NRXN3: variants seen among roughly 807,000 people sequenced by gnomAD.
The protein encoded by NRXN3 is neurexin III.
NRXN3 carries 32 observed loss-of-function variants against 137.6 expected under a neutral mutation model. That is an observed-to-expected ratio of 0.23 (90% CI 0.18 to 0.31). The LOEUF (loss-of-function observed/expected upper bound fraction) is 0.31, where lower values mean the gene tolerates loss of function less well. Among genes scored for constraint, NRXN3 ranks in the 10% least tolerant of loss-of-function variants. The probability of loss-of-function intolerance (pLI) is 1.00; values close to 1 mark genes in which losing one functional copy is unlikely to be tolerated. For synonymous variants in NRXN3, 798 were observed against 784.5 expected (o/e 1.02, Z -0.29); for missense variants, 1,574 against 2,062.5 (o/e 0.76, Z 4.59).
At chr14:78,852,439 G>A (rs1011872834) in intron 10 of NRXN3, among the ~76,000 whole-genome samples, 1 of 152,132 alleles carries the variant, frequency 6.6e-6, no homozygotes, top group African/African-American at 2.4e-5. Flanking sequence ...ATTTTTGAGT[G>A]TAAAAATTCT....
intron 15 of NRXN3, among the ~76,000 whole-genome samples, chr14:79,007,091 C>G (rs779441672): frequency 1.3e-5 from 2 of 151,972 alleles, no homozygotes; most frequent in Non-Finnish European, 2.9e-5. Flanking sequence ...CCCCAACACA[C>G]TCACGTAACA....
intron 16 of NRXN3, among the ~76,000 whole-genome samples, chr14:79,639,022 T>C (rs1463378093): frequency 6.6e-6 from 1 of 152,124 alleles, no homozygotes; most frequent in South Asian, 2.1e-4. Context: ...CTCTCTGTAA[T>C]ACGGTTCTAT....
intron 4 of NRXN3, among the ~76,000 whole-genome samples, chr14:78,618,842 AAAG>A (rs1285872584): frequency 6.6e-6 from 1 of 152,224 alleles, no homozygotes; most frequent in East Asian, 1.9e-4. Flanking sequence ...AAAAAGAAAA[AAAG>A]AAATTTTTGT....
At chr14:79,048,190 T>G (rs2099635897) in intron 15 of NRXN3, among the ~76,000 whole-genome samples, 1 of 152,180 alleles carries the variant, frequency 6.6e-6, no homozygotes, top group African/African-American at 2.4e-5. Context: ...ATAATTTCAT[T>G]TATATGAAGT....
At position 78,903,147 on chromosome 14, in the gene NRXN3, C is replaced by CT. The variant is rs965920523; in HGVS notation, c.2276-54078dup. Among the ~76,000 whole-genome samples the CT allele has an allele frequency of 1.9e-3, 227 of 121,472 alleles. 2 individuals are homozygous for CT. The highest frequency in any genetic ancestry group is 0.012 in the East Asian group (45 of 3,898). 79.7% of individuals were successfully genotyped at this position (121,472 alleles called of 152,430 possible). A position where few individuals can be genotyped will look rare whatever the true frequency, so the allele number is the denominator to read the frequency against. On this transcript the variant is annotated intron_variant, in intron 10 of 20. Coordinates refer to ENST00000335750, the MANE Select transcript of NRXN3 (RefSeq NM_001330195.2). ...GAAATAAACAATGAAGTTTCATCTTCTTTTTTTTTTTTTTTTTCTGAGACA... is the reference window on the plus strand; with the variant it reads ...GAAATAAACAATGAAGTTTCATCTTCTTTTTTTTTTTTTTTTTTCTGAGACA...
chr14:79,436,622 A>G (rs1211456396), intron 15 of NRXN3, among the ~76,000 whole-genome samples: 1 of 152,148 alleles, frequency 6.6e-6, no homozygotes, highest in Non-Finnish European at 1.5e-5. Flanking sequence ...TACAGTGTAT[A>G]TGTAAGTGAT....
chr14:79,428,476 G>A (rs1275912462), intron 15 of NRXN3, among the ~76,000 whole-genome samples: 7 of 151,892 alleles, frequency 4.6e-5, no homozygotes, highest in Non-Finnish European at 8.8e-5. Flanking sequence ...GGATGAACTC[G>A]GTTTAAAGAT....
At chr14:78,532,648 A>G (rs927624826) in intron 4 of NRXN3, among the ~76,000 whole-genome samples, 4 of 151,846 alleles carry the variant, frequency 2.6e-5, no homozygotes, top group Non-Finnish European at 5.9e-5. Context: ...TCAGCTTAGA[A>G]TCATCTTTCC....
intron 15 of NRXN3, among the ~76,000 whole-genome samples, chr14:79,113,516 A>G (rs10141828): frequency 0.33 from 50,120 of 152,002 alleles, 8,774 homozygotes; most frequent in Admixed American, 0.47. Flanking sequence ...AATCAAAATT[A>G]CTCCTGATAA....
chr14:78,353,117 C>G (rs77091599), intron 4 of NRXN3, among the ~76,000 whole-genome samples: 5,528 of 152,160 alleles, frequency 0.036, 134 homozygotes, highest in East Asian at 0.085. Flanking sequence ...GATTTTTATT[C>G]TTATAGATGA....
intron 15 of NRXN3, among the ~76,000 whole-genome samples, chr14:79,131,229 G>A (rs555200050): frequency 0.017 from 2,553 of 152,252 alleles, 68 homozygotes; most frequent in African/African-American, 0.058. Context: ...GAGGAACTGC[G>A]TTCCTTTGGA....
intron 4 of NRXN3, among the ~76,000 whole-genome samples, chr14:78,521,748 G>A (rs968512981): frequency 6.6e-6 from 1 of 151,848 alleles, no homozygotes; most frequent in African/African-American, 2.4e-5. Flanking sequence ...TGGATAAGAG[G>A]GCTTCTCTGT....
At chr14:79,360,837 T>C (rs2093658145) in intron 15 of NRXN3, among the ~76,000 whole-genome samples, 1 of 152,236 alleles carries the variant, frequency 6.6e-6, no homozygotes, top group Non-Finnish European at 1.5e-5. Context: ...AACCTCAGTG[T>C]CCTCATTTAT....
chr14:79,706,800 G>A (rs1021249860), intron 19 of NRXN3, among the ~76,000 whole-genome samples: 12 of 151,968 alleles, frequency 7.9e-5, no homozygotes, highest in Non-Finnish European at 1.8e-4. Flanking sequence ...ATGACACACC[G>A]CCCCCCTTTC....
At chr14:78,604,551 T>G (rs2097231294) in intron 4 of NRXN3, among the ~76,000 whole-genome samples, 1 of 152,226 alleles carries the variant, frequency 6.6e-6, no homozygotes, top group African/African-American at 2.4e-5. Context: ...CTGAGGTCTA[T>G]TCTCATGTTG....
intron 15 of NRXN3, among the ~76,000 whole-genome samples, chr14:79,334,646 C>T (rs1411059063): frequency 6.6e-6 from 1 of 151,948 alleles, no homozygotes; most frequent in African/African-American, 2.4e-5. Flanking sequence ...GGCTGGGTGC[C>T]AATTATACCA....
chr14:79,106,918 G>T (rs970413563), intron 15 of NRXN3, among the ~76,000 whole-genome samples: 1 of 152,080 alleles, frequency 6.6e-6, no homozygotes, highest in African/African-American at 2.4e-5. Flanking sequence ...AAGCCTTGGT[G>T]TCTAAGACTT....
intron 17 of NRXN3, among the ~76,000 whole-genome samples, chr14:79,688,444 G>A (rs1213309593): frequency 6.6e-6 from 1 of 152,088 alleles, no homozygotes; most frequent in Non-Finnish European, 1.5e-5. Context: ...TAAAGTGTAA[G>A]CGCAGTGTTG....
At chr14:78,438,710 C>T (rs1824917640) in intron 4 of NRXN3, among the ~76,000 whole-genome samples, 2 of 152,072 alleles carry the variant, frequency 1.3e-5, no homozygotes, top group Admixed American at 1.3e-4. Flanking sequence ...AGCCTAGCCC[C>T]TGAGGGACAA....
Sources: allele counts gnomAD v4.1 joint callset (sites outside exome capture counted in the v4.1 genomes callset), GRCh38; gene constraint gnomAD v4.1.1; transcripts MANE v1.5; gene names NCBI Gene and HGNC (gene_info 2026-07-23, HGNC 2026-07-21).